Variants in ADCY5 observed in about 807,000 individuals in gnomAD.
ADCY5 encodes adenylate cyclase type 5.
A neutral mutation model predicts 119.7 loss-of-function variants in ADCY5; 30 were observed. That is an observed-to-expected ratio of 0.25 (90% CI 0.19 to 0.34). The LOEUF (loss-of-function observed/expected upper bound fraction) is 0.34. Ranked by LOEUF, ADCY5 falls within the 10% of genes least tolerant of loss-of-function variation. The probability of loss-of-function intolerance (pLI) is 1.00; values close to 1 mark genes in which losing one functional copy is unlikely to be tolerated. For missense variants in ADCY5, 1,324 were observed against 1,775.2 expected (o/e 0.75, Z 4.57); for synonymous variants, 753 against 762.2 (o/e 0.99, Z 0.20).
At chr3:123,316,212 A>AT (rs1940906022) in intron 11 of ADCY5, among the ~76,000 whole-genome samples, 1 of 152,210 alleles carries the variant, frequency 6.6e-6, no homozygotes, top group Non-Finnish European at 1.5e-5. Context: ...CTAATCATGA[A>AT]AAAACATCAG....
chr3:123,286,841 A>G lies in ADCY5; in HGVS notation c.3533-32T>C, dbSNP rs1938805703. On this transcript the variant is annotated intron_variant, in intron 19 of 20. Transcript: ENST00000462833. This position sits in a 1 kb window ranked among gnomAD's most constrained non-coding sequence, Gnocchi z 4.2. ...GGGACAGGAATCAGCCACAGTCATCACATCTCTGGCTTGACCTTGCCACCA... is the reference window on the plus strand; with the variant it reads ...GGGACAGGAATCAGCCACAGTCATCGCATCTCTGGCTTGACCTTGCCACCA... 6.4e-7 allele frequency: 1 copy of G among 1,563,550 alleles called. No homozygotes were observed. Among genetic ancestry groups the G allele is most frequent in the Non-Finnish European group, 8.6e-7 (1 of 1,157,074 alleles).
At position 123,310,089 on chromosome 3, in the gene ADCY5, AAGAG is replaced by A. The variant is rs570068565; in HGVS notation, c.2442+4142_2442+4145del. On this transcript the variant is annotated intron_variant, in intron 12 of 20. Coordinates refer to ENST00000462833, the MANE Select transcript of ADCY5 (RefSeq NM_183357.3). The stretch of plus-strand genomic sequence containing the variant: ...AAAGCAAGCCATCAGGCTGGGGGAT[AAGAG>A]AGAGAGATTTACACACACACACACA... Among the ~76,000 whole-genome samples, 93 of 126,400 alleles carry A rather than the reference AAGAG, an allele frequency of 7.4e-4. 1 individual carries two copies. The South Asian group carries it at 0.013, about 18-fold the overall frequency. The allele number at this position is 126,400 out of a possible 152,430, so 82.9% of individuals were successfully genotyped here. A position where few individuals can be genotyped will look rare whatever the true frequency, so the allele number is the denominator to read the frequency against.
intron 4 of ADCY5, among the ~76,000 whole-genome samples, chr3:123,332,342 T>C (rs1941804274): frequency 6.6e-6 from 1 of 152,252 alleles, no homozygotes; most frequent in Non-Finnish European, 1.5e-5. Flanking sequence ...TCAGCGACAG[T>C]GCTGAAAGCA....
At chr3:123,439,876 G>T (rs1424437898) in intron 1 of ADCY5, among the ~76,000 whole-genome samples, 1 of 152,174 alleles carries the variant, frequency 6.6e-6, no homozygotes, top group Non-Finnish European at 1.5e-5. Context: ...CTTAATGATG[G>T]TTTTCAAATC....
At chr3:123,310,897 A>G (rs1940534144) in intron 12 of ADCY5, among the ~76,000 whole-genome samples, 1 of 152,174 alleles carries the variant, frequency 6.6e-6, no homozygotes, top group Non-Finnish European at 1.5e-5. Context: ...TGTGTCTGGA[A>G]AAGACTGAAC....
intron 2 of ADCY5, among the ~76,000 whole-genome samples, chr3:123,351,368 C>G (rs1355774685): frequency 6.6e-6 from 1 of 152,224 alleles, no homozygotes; most frequent in Non-Finnish European, 1.5e-5. Context: ...CAGCCTGGAG[C>G]CATGAGTGAC....
intron 15 of ADCY5, 60 bp downstream of exon 15, chr3:123,300,060 C>T: frequency 6.4e-7 from 1 of 1,574,648 alleles, no homozygotes; most frequent in Admixed American, 1.7e-5. Context: ...ACCTCCTGCT[C>T]TTGCCACCTC....
Position 123,385,308 on chromosome 3 carries a change from C to CACACACACACACAT in ADCY5, c.1135-32728_1135-32727insATGTGTGTGTGTGT, listed in dbSNP as rs146236659. Among the ~76,000 whole-genome samples, 1,099 of 147,320 alleles carry CACACACACACACAT rather than the reference C, an allele frequency of 7.5e-3. 18 individuals carry two copies. The highest frequency in any genetic ancestry group is 0.025 in the African/African-American group (1,034 of 41,034). On this transcript the variant is annotated intron_variant, in intron 1 of 20. Transcript: ENST00000462833. ...AGACACACACGCACACACACACACA[C>CACACACACACACAT]ACGCACGCACGACCAGTGCTGTAGT...
At chr3:123,357,293 A>G (rs1245148265) in intron 1 of ADCY5, among the ~76,000 whole-genome samples, 2 of 152,090 alleles carry the variant, frequency 1.3e-5, no homozygotes, top group African/African-American at 4.8e-5. Flanking sequence ...GAGAAAATGT[A>G]AGCAGATGGC....
intron 1 of ADCY5, among the ~76,000 whole-genome samples, chr3:123,388,995 G>A (rs1249739432): frequency 2.0e-5 from 3 of 152,190 alleles, no homozygotes; most frequent in Non-Finnish European, 2.9e-5. Context: ...CCTGGGGAAG[G>A]AGGCGGGGCG....
rs146356412 is a variant in ADCY5 at position 123,366,296 on chromosome 3, C to T, written c.1135-13715G>A. Among the ~76,000 whole-genome samples the T allele has an allele frequency of 2.8e-3, 421 of 152,292 alleles. 2 individuals carry two copies. The highest frequency in any genetic ancestry group is 9.6e-3 in the African/African-American group (399 of 41,562). Reference sequence around the variant, plus strand: ...AGCATAGTGGATGAGGGACAGATCCCAGGTTACTTGCAGAATATCAAACTG... The same window carrying T: ...AGCATAGTGGATGAGGGACAGATCCTAGGTTACTTGCAGAATATCAAACTG... On this transcript the variant is annotated intron_variant, in intron 1 of 20. Coordinates refer to ENST00000462833, the MANE Select transcript of ADCY5 (RefSeq NM_183357.3).
At chr3:123,381,098 T>C (rs978913290) in intron 1 of ADCY5, among the ~76,000 whole-genome samples, 1 of 152,238 alleles carries the variant, frequency 6.6e-6, no homozygotes, top group Middle Eastern at 3.2e-3. Context: ...GGCAATAATA[T>C]GTGCCAAGTG....
intron 16 of ADCY5, among the ~76,000 whole-genome samples, chr3:123,296,726 A>G (rs1267772763): frequency 6.6e-6 from 1 of 152,232 alleles, no homozygotes; most frequent in Non-Finnish European, 1.5e-5. Flanking sequence ...GATTAAAGAG[A>G]TATTATAAAC....
At chr3:123,368,817 C>G (rs1268215491) in intron 1 of ADCY5, among the ~76,000 whole-genome samples, 1 of 151,256 alleles carries the variant, frequency 6.6e-6, no homozygotes, top group Non-Finnish European at 1.5e-5. Flanking sequence ...CCCTATTATC[C>G]AGGACAGAGG....
intron 17 of ADCY5, among the ~76,000 whole-genome samples, chr3:123,294,866 G>A (rs1473279580): frequency 2.0e-5 from 3 of 152,198 alleles, no homozygotes. Context: ...AATACATATG[G>A]CGGTGGGTGA....
At chr3:123,356,351 G>A (rs193124363) in intron 1 of ADCY5, among the ~76,000 whole-genome samples, 9 of 152,266 alleles carry the variant, frequency 5.9e-5, no homozygotes, top group Admixed American at 4.6e-4. Flanking sequence ...CATCAAGAAT[G>A]TGAAAATACA....
intron 2 of ADCY5, among the ~76,000 whole-genome samples, chr3:123,349,419 C>T (rs1443530304): frequency 6.6e-6 from 1 of 152,200 alleles, no homozygotes; most frequent in East Asian, 1.9e-4. Flanking sequence ...TGCCTTCCTC[C>T]ACTGCCCACA....
intron 12 of ADCY5, among the ~76,000 whole-genome samples, chr3:123,305,092 G>A (rs1384428081): frequency 6.6e-6 from 1 of 152,178 alleles, no homozygotes; most frequent in African/African-American, 2.4e-5. Context: ...GCCAGGAGTT[G>A]GGAAGCCTGG....
chr3:123,406,424 T>C (rs1944902669), intron 1 of ADCY5, among the ~76,000 whole-genome samples: 1 of 152,188 alleles, frequency 6.6e-6, no homozygotes, highest in African/African-American at 2.4e-5. Context: ...CCACGGTGGT[T>C]GTCTCCCGAT....
Sources: allele counts gnomAD v4.1 joint callset (sites outside exome capture counted in the v4.1 genomes callset), GRCh38; gene constraint gnomAD v4.1.1; non-coding constraint Gnocchi (gnomAD v3.1); transcripts MANE v1.5; gene names NCBI Gene and HGNC (gene_info 2026-07-23, HGNC 2026-07-21).